MGAM: variants seen among roughly 807,000 people sequenced by gnomAD.
MGAM encodes the protein alpha-1,4-glucosidase.
MGAM carries 253 observed loss-of-function variants against 358.8 expected under a neutral mutation model. The ratio of observed to expected loss-of-function variants is 0.71; its 90% CI spans 0.64 to 0.78. MGAM has a LOEUF of 0.78. Ranked by LOEUF, MGAM falls within the 30% of genes least tolerant of loss-of-function variation. The pLI, the probability that MGAM is intolerant of heterozygous loss-of-function variation, is 0.00. For synonymous variants in MGAM, 1,105 were observed against 1,227.1 expected, an observed-to-expected ratio of 0.90 and a Z score of 2.08; for missense variants, 3,080 against 3,432.6, an observed-to-expected ratio of 0.90 and a Z score of 2.57.
rs995908586 is a variant in MGAM at position 142,096,434 on chromosome 7, G to A, written c.7692+19G>A. ...GGAGCGTGTGAGTATGGAGGCCTCCGATGAGGGGAGGATCCCAGCTGTGAG... is the reference window on the plus strand; with the variant it reads ...GGAGCGTGTGAGTATGGAGGCCTCCAATGAGGGGAGGATCCCAGCTGTGAG... On this transcript the variant is annotated intron_variant, in intron 65 of 70. Transcript: ENST00000475668. 1.5e-5 allele frequency: 25 copies of A among 1,612,960 alleles called. No individual in the cohort carries two copies. The highest frequency in any genetic ancestry group is 6.7e-5 in the Admixed American group (4 of 60,010).
chr7:142,059,539 C>T lies in MGAM; in HGVS notation c.3887C>T (p.Ala1296Val), dbSNP rs536696775. The change falls in exon 32 of 71, where the codon GCT becomes GTT. Residue 1296 changes from alanine to valine, a missense_variant. Physicochemically the swap from Ala to Val is moderately conservative, Grantham distance 64. This residue lies in a region of MGAM where 1,816 missense variants were observed against 1,840.5 expected (regional missense o/e 0.99). Transcript: ENST00000475668. The part of the protein sequence containing the change: ...QLDFTLSPKF[A>V]GFPALINRMK... ...GACTTCACCCTCAGCCCCAAGTTTG[C>T]TGGGTTTCCAGCTCTGATCAATCGC... 2.5e-6 allele frequency: 4 copies of T among 1,613,154 alleles called. No individual in the cohort carries two copies. Among genetic ancestry groups the T allele is most frequent in the African/African-American group, 1.3e-5 (1 of 75,010 alleles).
At chr7:142,039,931 G>T (rs531365031) in intron 19 of MGAM, among the ~76,000 whole-genome samples, 184 bp from the exon 20 acceptor site, 1 of 152,108 alleles carries the variant, frequency 6.6e-6, no homozygotes, top group African/African-American at 2.4e-5. Context: ...ATGTGGCTAC[G>T]TTTGGGATTT....
At chr7:142,006,092 G>A (rs963702030) in intron 2 of MGAM, among the ~76,000 whole-genome samples, 1 of 151,984 alleles carries the variant, frequency 6.6e-6, no homozygotes, top group Non-Finnish European at 1.5e-5. Flanking sequence ...TCAAGTTCAA[G>A]ACACTTTTGT....
At chr7:142,062,533 G>C in intron 34 of MGAM, 35 bp from the exon 35 acceptor site, 1 of 1,527,544 alleles carries the variant, frequency 6.5e-7, no homozygotes, top group Non-Finnish European at 8.8e-7. Context: ...TTCTATATTT[G>C]TGTGGGACAA....
Position 142,069,990 on chromosome 7 carries a change from G to A in MGAM, c.5062-1004G>A, listed in dbSNP as rs1211354118. 3.4e-5 allele frequency among the ~76,000 whole-genome samples: 5 copies of A among 145,430 alleles called. No homozygotes were observed. The East Asian group carries it at 8.1e-4, about 24-fold the overall frequency. ...GGACAGATCACAAGGTCAGGAGATC[G>A]AGACCATCCTAGCTAACACGGTGAA... On this transcript the variant is annotated intron_variant, in intron 43 of 70. Transcript: ENST00000475668.
intron 3 of MGAM, among the ~76,000 whole-genome samples, chr7:142,018,380 A>G (rs527365480): frequency 6.6e-6 from 1 of 152,338 alleles, no homozygotes; most frequent in African/African-American, 2.4e-5. Flanking sequence ...GGACTCCAAC[A>G]GAGAAGGTGA....
intron 26 of MGAM, among the ~76,000 whole-genome samples, chr7:142,054,160 C>T (rs1399209541): frequency 6.6e-6 from 1 of 152,232 alleles, no homozygotes; most frequent in Non-Finnish European, 1.5e-5. Context: ...TAGAATCTCA[C>T]AGCACTTCTA....
At chr7:142,077,543 A>G (rs1239637887) in intron 47 of MGAM, among the ~76,000 whole-genome samples, 1 of 145,776 alleles carries the variant, frequency 6.9e-6, no homozygotes, top group East Asian at 2.0e-4. Context: ...AATTAATAGG[A>G]TTCAAGGAAG....
Position 142,088,992 on chromosome 7 carries a change from G to C in MGAM, c.6810+2275G>C, listed in dbSNP as rs13244181. On this transcript the variant is annotated intron_variant, in intron 57 of 70. Coordinates refer to ENST00000475668, the MANE Select transcript of MGAM (RefSeq NM_001365693.1). ...TGTATGTATGTATGTATGTATGTAT[G>C]TATGTATCTATCTATCTATCTATCT... Among the ~76,000 whole-genome samples the C allele has an allele frequency of 1.9e-3, 120 of 64,398 alleles. 5 individuals are homozygous for C. The highest frequency in any genetic ancestry group is 0.011 in the South Asian group (17 of 1,534). The allele number at this position is 64,398 out of a possible 152,430, so 42.2% of individuals were successfully genotyped here.
In MGAM at chr7:142,054,748, G is replaced by A; in HGVS notation, c.3160-6G>A. On this transcript the variant is annotated splice_region_variant and splice_polypyrimidine_tract_variant and intron_variant, in intron 26 of 70. Transcript: ENST00000475668. ...TGTTGCCTAAAATTGATTTCCTCTGGCCTAGATTTATGATCCCAACAAGAA... is the reference window on the plus strand; with the variant it reads ...TGTTGCCTAAAATTGATTTCCTCTGACCTAGATTTATGATCCCAACAAGAA... The A allele has an allele frequency of 6.2e-7, 1 of 1,613,574 alleles. No individual in the cohort carries two copies. Among genetic ancestry groups the A allele is most frequent in the Admixed American group, 1.7e-5 (1 of 59,994 alleles).
intron 44 of MGAM, among the ~76,000 whole-genome samples, chr7:142,071,659 C>A (rs562664221): frequency 6.9e-6 from 1 of 145,816 alleles, no homozygotes; most frequent in Non-Finnish European, 1.6e-5. Context: ...ACCCATGTTT[C>A]TTTACTCTTG....
intron 57 of MGAM, among the ~76,000 whole-genome samples, chr7:142,091,571 C>G (rs1815390367): frequency 6.8e-6 from 1 of 146,012 alleles, no homozygotes. Context: ...CTCTCCCTGG[C>G]TTTGTCTTTG....
intron 20 of MGAM, 52 bp downstream of exon 20, chr7:142,040,223 A>G: frequency 2.2e-6 from 3 of 1,378,178 alleles, no homozygotes; most frequent in Non-Finnish European, 2.1e-6. Flanking sequence ...CTGCAGCTGC[A>G]TAGACAAGCT....
At chr7:142,019,442 G>A in intron 4 of MGAM, 123 bp downstream of exon 4, 2 of 1,070,242 alleles carry the variant, frequency 1.9e-6, no homozygotes, top group South Asian at 1.8e-5. Context: ...GACAGAAGGT[G>A]GGCATTGCTC....
At chr7:142,095,798 A>G in intron 64 of MGAM, 85 bp downstream of exon 64, 1 of 1,565,842 alleles carries the variant, frequency 6.4e-7, no homozygotes, top group Non-Finnish European at 8.7e-7. Context: ...CAAATTAAAG[A>G]CATGATTGCC....
intron 55 of MGAM, 87 bp from the exon 56 acceptor site, chr7:142,086,131 G>T: frequency 7.0e-7 from 1 of 1,424,122 alleles, no homozygotes; most frequent in Non-Finnish European, 9.6e-7. Flanking sequence ...AAGCCAACAA[G>T]TTCGCCCTGG....
chr7:142,075,508 G>C (rs1188456816), intron 45 of MGAM, among the ~76,000 whole-genome samples: 1 of 146,360 alleles, frequency 6.8e-6, no homozygotes, highest in African/African-American at 2.4e-5. Context: ...GCAAACTACA[G>C]AATGGATAAA....
upstream of MGAM, among the ~76,000 whole-genome samples, chr7:141,993,229 C>G (rs1251972798): frequency 3.3e-5 from 5 of 152,144 alleles, no homozygotes; most frequent in Non-Finnish European, 5.9e-5. Flanking sequence ...CCCATAAAGA[C>G]AAATGCCTAG....
intron 68 of MGAM, 98 bp from the exon 69 acceptor site, chr7:142,102,532 C>G (rs1267938311): frequency 8.6e-7 from 1 of 1,161,410 alleles, no homozygotes; most frequent in African/African-American, 1.6e-5. Context: ...CTCTCTCAAA[C>G]AAGACAAGTA....
Sources: gnomAD v4.1 joint callset for allele counts (sites outside exome capture counted in the v4.1 genomes callset) on GRCh38, gnomAD v4.1.1 for gene constraint, gnomAD v4.1.1 regional missense constraint, MANE v1.5 for transcripts, NCBI Gene and HGNC (gene_info 2026-07-23, HGNC 2026-07-21) for gene names.